The following ZFPM1 variants were observed in gnomAD, a reference collection of about 807,000 sequenced individuals.
ZFPM1 encodes zinc finger protein ZFPM1.
Under a neutral mutation model 46.3 loss-of-function variants are expected in ZFPM1, and 28 were observed. The observed-to-expected ratio is 0.60, with a 90% confidence interval of 0.45 to 0.83. The LOEUF is 0.83. Among genes scored for constraint, ZFPM1 ranks in the 40% least tolerant of loss-of-function variants. The pLI is 0.00. For missense variants in ZFPM1, 1,878 were observed against 1,432.4 expected (o/e 1.31, Z -5.02); for synonymous variants, 957 against 675.9 (o/e 1.42, Z -6.45).
At chr16:88,485,846 G>C in intron 1 of ZFPM1, 93 bp from the exon 2 acceptor site, 1 of 1,215,706 alleles carries the variant, frequency 8.2e-7, no homozygotes, top group Non-Finnish European at 1.2e-6. Flanking sequence ...TTTCCGCCTG[G>C]GCACCGGGGC....
chr16:88,512,554 C>T (rs373733922), intron 3 of ZFPM1, among the ~76,000 whole-genome samples: 1 of 152,136 alleles, frequency 6.6e-6, no homozygotes, highest in African/African-American at 2.4e-5. Flanking sequence ...CCCGCCCTGC[C>T]CCCCAGGCCC....
At chr16:88,514,579 CA>C in intron 4 of ZFPM1, 59 bp downstream of exon 4, 1 of 1,507,558 alleles carries the variant, frequency 6.6e-7, no homozygotes, top group Non-Finnish European at 8.9e-7. Flanking sequence ...AACATGGACC[CA>C]GGGGACAGGC....
chr16:88,479,631 T>C (rs1908838083), intron 1 of ZFPM1, among the ~76,000 whole-genome samples: 1 of 152,064 alleles, frequency 6.6e-6, no homozygotes, highest in East Asian at 1.9e-4. Flanking sequence ...CTGTCTGTTA[T>C]CAGGGCCTTA....
chr16:88,535,991 C>T lies in ZFPM1; in HGVS notation c.*1012C>T, dbSNP rs1913232175. The T allele has an allele frequency of 6.6e-6, 1 of 152,326 alleles. No homozygotes were observed. Among genetic ancestry groups the T allele is most frequent in the South Asian group, 2.1e-4 (1 of 4,828 alleles). The allele number at this position is 152,326 out of a possible 1,614,324, so 9.4% of individuals were successfully genotyped here. On this transcript the variant is annotated 3_prime_UTR_variant, in exon 10 of 10. Coordinates refer to ENST00000319555, the MANE Select transcript of ZFPM1 (RefSeq NM_153813.3). The stretch of plus-strand genomic sequence containing the variant: ...TATTTTTTTATTTTTGGGTCTCACT[C>T]TCTTGCCCAGGCTGGAGTCCCTGGG...
chr16:88,473,073 G>A (rs140743653), intron 1 of ZFPM1, among the ~76,000 whole-genome samples: 30 of 152,402 alleles, frequency 2.0e-4, no homozygotes, highest in Non-Finnish European at 2.9e-4. Flanking sequence ...GGCAGCCTCC[G>A]TTTCTGCAGC....
intron 1 of ZFPM1, among the ~76,000 whole-genome samples, chr16:88,474,822 G>A (rs1053087625): frequency 3.9e-5 from 6 of 152,210 alleles, no homozygotes; most frequent in East Asian, 3.8e-4. Flanking sequence ...TCGGGAACCC[G>A]CATCTGGGGC....
rs142959423 is a variant in ZFPM1 at position 88,489,062 on chromosome 16, C to G, written c.177C>G (p.Pro59=). 3 of 1,613,068 alleles carry G rather than the reference C, an allele frequency of 1.9e-6. No individual in the cohort carries two copies. Among genetic ancestry groups the G allele is most frequent in the Non-Finnish European group, 2.5e-6 (3 of 1,179,780 alleles). The change falls in exon 3 of 10, where the codon CCC becomes CCG. Residue 59 remains proline (P), a synonymous_variant. Coordinates refer to ENST00000319555, the MANE Select transcript of ZFPM1 (RefSeq NM_153813.3). The part of the protein sequence containing the change: ...DVNSPPPLPP[P]TSPGGPKELE... The stretch of plus-strand genomic sequence containing the variant: ...ACTCACCCCCACCGCTGCCGCCCCC[C>G]ACATCCCCAGGAGGCCCCAAGGAGC...
intron 1 of ZFPM1, among the ~76,000 whole-genome samples, chr16:88,473,661 A>G (rs535704187): frequency 1.6e-4 from 25 of 151,996 alleles, no homozygotes; most frequent in Non-Finnish European, 2.8e-4. Flanking sequence ...CGCCCCATCT[A>G]TCAGCCCTTA....
intron 4 of ZFPM1, among the ~76,000 whole-genome samples, chr16:88,525,364 T>C (rs1567552550): frequency 2.0e-5 from 3 of 152,198 alleles, no homozygotes; most frequent in Non-Finnish European, 4.4e-5. Flanking sequence ...CCTTGTACCA[T>C]GGCAGGGTTG....
chr16:88,535,959 G>A lies in ZFPM1; in HGVS notation c.*980G>A, dbSNP rs1913230986. On this transcript the variant is annotated 3_prime_UTR_variant, in exon 10 of 10. Coordinates refer to ENST00000319555, the MANE Select transcript of ZFPM1 (RefSeq NM_153813.3). ...ACAAAAACACTCTTCTATTCCCAAC[G>A]TCACTTTATTTTTTTATTTTTGGGT... 1.3e-5 allele frequency: 2 copies of A among 152,114 alleles called. No individual in the cohort carries two copies. Among genetic ancestry groups the A allele is most frequent in the African/African-American group, 2.4e-5 (1 of 41,416 alleles). The allele number at this position is 152,114 out of a possible 1,614,324, so 9.4% of individuals were successfully genotyped here. A position where few individuals can be genotyped will look rare whatever the true frequency, so the allele number is the denominator to read the frequency against.
chr16:88,456,636 G>A (rs1907573707), intron 1 of ZFPM1, among the ~76,000 whole-genome samples: 1 of 152,200 alleles, frequency 6.6e-6, no homozygotes, highest in Non-Finnish European at 1.5e-5. Context: ...GCACAGTAGG[G>A]CTGGCCTCAG....
In ZFPM1 at chr16:88,535,929, G is replaced by A. The variant is rs1041099926; in HGVS notation, c.*950G>A. 6.6e-6 allele frequency: 1 copy of A among 152,178 alleles called. No individual in the cohort carries two copies. Among genetic ancestry groups the A allele is most frequent in the African/African-American group, 2.4e-5 (1 of 41,450 alleles). 9.4% of individuals were successfully genotyped at this position (152,178 alleles called of 1,614,324 possible). On this transcript the variant is annotated 3_prime_UTR_variant, in exon 10 of 10. Transcript: ENST00000319555. ...GCAGCCTCCAGCGTGCTTTCTCACT[G>A]GAGAACAAAAACACTCTTCTATTCC...
At chr16:88,498,648 G>T (rs1910077089) in intron 3 of ZFPM1, among the ~76,000 whole-genome samples, 1 of 152,156 alleles carries the variant, frequency 6.6e-6, no homozygotes, top group African/African-American at 2.4e-5. Context: ...TGAACGAGGG[G>T]CGTCTGGAAA....
intron 1 of ZFPM1, among the ~76,000 whole-genome samples, chr16:88,459,997 G>A (rs886766678): frequency 2.0e-5 from 3 of 151,566 alleles, no homozygotes; most frequent in Admixed American, 6.6e-5. Flanking sequence ...TTCCAGGTCA[G>A]GGCAGCCCCT....
At chr16:88,501,285 G>C (rs80328035) in intron 3 of ZFPM1, among the ~76,000 whole-genome samples, 12 of 69,850 alleles carry the variant, frequency 1.7e-4, no homozygotes, top group East Asian at 6.1e-4. Context: ...CCTGGGTGCG[G>C]GGGCCCTCCC....
upstream of ZFPM1, among the ~76,000 whole-genome samples, chr16:88,452,391 T>G (rs934535898): frequency 2.0e-5 from 3 of 152,098 alleles, no homozygotes; most frequent in Non-Finnish European, 4.4e-5. Context: ...TGTGGGCAAC[T>G]CCTTCGTGGG....
At chr16:88,513,060 C>G (rs1372497364) in intron 3 of ZFPM1, 1 of 152,266 alleles carries the variant, frequency 6.6e-6, no homozygotes, top group Non-Finnish European at 1.5e-5. Context: ...GACTGTGATG[C>G]TGGGACCCCG....
chr16:88,453,842 G>A (rs542990930), intron 1 of ZFPM1, among the ~76,000 whole-genome samples, 164 bp downstream of exon 1: 2 of 151,722 alleles, frequency 1.3e-5, no homozygotes, highest in South Asian at 4.1e-4. Context: ...TCTAATCTCC[G>A]CCGGCGGCCT....
At chr16:88,485,698 C>T (rs1334986578) in intron 1 of ZFPM1, among the ~76,000 whole-genome samples, 2 of 152,184 alleles carry the variant, frequency 1.3e-5, no homozygotes, top group Non-Finnish European at 2.9e-5. Flanking sequence ...CCTCAGCCTC[C>T]CAAACTGCTG....
Sources: gnomAD v4.1 joint callset for allele counts (sites outside exome capture counted in the v4.1 genomes callset) on GRCh38, gnomAD v4.1.1 for gene constraint, MANE v1.5 for transcripts, NCBI Gene and HGNC (gene_info 2026-07-23, HGNC 2026-07-21) for gene names.